The following TANC1 variants were observed in gnomAD, a reference collection of about 807,000 sequenced individuals.
TANC1 encodes protein TANC1.
In TANC1, 77 loss-of-function variants were observed where a neutral mutation model predicts 149.7. That is an observed-to-expected ratio of 0.51 (90% CI 0.43 to 0.62). TANC1 has a LOEUF of 0.62. TANC1 is among the 20% of genes least tolerant of loss of function. The pLI is 0.00. For synonymous variants in TANC1, 854 were observed against 925.0 expected, an observed-to-expected ratio of 0.92 and a Z score of 1.39; for missense variants, 1,985 against 2,321.8, an observed-to-expected ratio of 0.85 and a Z score of 2.98.
intron 17 of TANC1, among the ~76,000 whole-genome samples, chr2:159,195,974 C>T (rs982494736): frequency 1.3e-5 from 2 of 152,182 alleles, no homozygotes; most frequent in African/African-American, 4.8e-5. Context: ...TGCTTTGGGG[C>T]CTTGAGGAGT....
At chr2:159,222,738 C>A (rs1017630500) in intron 22 of TANC1, among the ~76,000 whole-genome samples, 11 of 152,130 alleles carry the variant, frequency 7.2e-5, no homozygotes, top group Non-Finnish European at 1.5e-4. Flanking sequence ...GTTTTCAGTT[C>A]TTTGGGGTAT....
At chr2:159,150,779 A>T (rs1040994627) in intron 7 of TANC1, 147 of 13,488 alleles carry the variant, frequency 0.011, no homozygotes, top group African/African-American at 0.09. Flanking sequence ...TCATTTGTTA[A>T]AAAAAAAAAA....
rs756025210 is a variant in TANC1, at chr2:159,179,177, T to G, written c.2510+14T>G. The G allele has an allele frequency of 1.0e-5, 16 of 1,596,206 alleles. No individual in the cohort carries two copies. The South Asian group carries it at 1.8e-4, about 18-fold the overall frequency. On this transcript the variant is annotated intron_variant, in intron 14 of 26. Transcript: ENST00000263635. ...GTGTGAGCCCAGGTACGGCAGGCGC[T>G]TTCTTTCAGCTCTTTGCAGGGAATC...
At chr2:159,050,958 C>G (rs1217632505) in intron 2 of TANC1, among the ~76,000 whole-genome samples, 1 of 152,126 alleles carries the variant, frequency 6.6e-6, no homozygotes, top group Non-Finnish European at 1.5e-5. Context: ...TGCATAAAAA[C>G]AAGAATCAGA....
intron 2 of TANC1, among the ~76,000 whole-genome samples, chr2:159,024,750 C>CAAAAAA (rs199510154): frequency 8.4e-6 from 1 of 118,994 alleles, no homozygotes. Flanking sequence ...GACTTCATCT[C>CAAAAAA]AAAAAAAAAA....
chr2:159,228,529 C>A lies in TANC1; in HGVS notation c.4051-267C>A, dbSNP rs180839297. The A allele has an allele frequency of 7.8e-5, 34 of 438,430 alleles. No homozygotes were observed. In the East Asian group the frequency reaches 1.4e-3, roughly 17 times the overall value. 27.2% of individuals were successfully genotyped at this position (438,430 alleles called of 1,614,324 possible). A position where few individuals can be genotyped will look rare whatever the true frequency, so the allele number is the denominator to read the frequency against. The stretch of plus-strand genomic sequence containing the variant: ...GTGTCTGCGCTCCTCTCTGAGGCTG[C>A]CCCTCCACCGGGCTGTGAGGTTCCA... On this transcript the variant is annotated intron_variant, in intron 25 of 26. Coordinates refer to ENST00000263635, the MANE Select transcript of TANC1 (RefSeq NM_033394.3).
At chr2:159,041,601 A>AT (rs2040638662) in intron 2 of TANC1, among the ~76,000 whole-genome samples, 1 of 152,196 alleles carries the variant, frequency 6.6e-6, no homozygotes, top group Non-Finnish European at 1.5e-5. Flanking sequence ...CAGGTGCAGG[A>AT]TATAATCTCC....
chr2:159,174,810 T>C (rs951215077), intron 11 of TANC1, 143 bp from the exon 12 acceptor site: 2 of 718,116 alleles, frequency 2.8e-6, no homozygotes, highest in Middle Eastern at 2.4e-4. Flanking sequence ...GGAACAATTA[T>C]GCTAACAAAT....
intron 19 of TANC1, among the ~76,000 whole-genome samples, chr2:159,211,961 G>A (rs2059012706): frequency 6.6e-6 from 1 of 152,212 alleles, no homozygotes; most frequent in South Asian, 2.1e-4. Flanking sequence ...TGGCGCACTC[G>A]CCCCTTGTCA....
rs746417913 is a variant in TANC1, at chr2:159,196,699, A to C, written c.3071A>C (p.Glu1024Ala). The change falls in exon 18 of 27, where the codon GAG (glutamate) becomes GCG (alanine). Residue 1024 changes from glutamate to alanine, a missense_variant. Glu to Ala is a moderately radical substitution (Grantham distance 107). Transcript: ENST00000263635. ...GDILQYLLTCEWSPGPPQPGT... is the reference protein window; with the variant it reads ...GDILQYLLTCAWSPGPPQPGT... Reference sequence around the variant, plus strand: ...ATTCTCCAGTACCTGCTGACTTGTGAGTGGTCGCCGGGTCCTCCCCAGCCA... The same window carrying C: ...ATTCTCCAGTACCTGCTGACTTGTGCGTGGTCGCCGGGTCCTCCCCAGCCA... 1 of 1,614,054 alleles carries C rather than the reference A, an allele frequency of 6.2e-7. No homozygotes were observed. Among genetic ancestry groups the C allele is most frequent in the Non-Finnish European group, 8.5e-7 (1 of 1,180,016 alleles).
At position 159,230,561 on chromosome 2, in the gene TANC1, G is replaced by A; in HGVS notation, c.5135G>A (p.Gly1712Asp). 6.2e-7 allele frequency: 1 copy of A among 1,614,180 alleles called. No individual in the cohort carries two copies. The highest frequency in any genetic ancestry group is 8.5e-7 in the Non-Finnish European group (1 of 1,180,034). Residue 1712 changes from glycine (G) to aspartate (D), a missense_variant, in exon 27 of 27, where the codon GGT becomes GAT. By Grantham distance (94) the Gly-to-Asp change is moderately conservative. This residue lies in a region of TANC1 where 920 missense variants were observed against 994.7 expected (regional missense o/e 0.92). Coordinates refer to ENST00000263635, the MANE Select transcript of TANC1 (RefSeq NM_033394.3). The surrounding 1 kb of genome is among the most constrained non-coding windows in gnomAD (Gnocchi z 4.4). The stretch of plus-strand genomic sequence containing the variant: ...AAGGTTGTAACCCACGTTCAGAGCG[G>A]TACAGCTGAGCACAGACCCCGCAAC... Reference protein sequence around the residue: ...KDKVVTHVQSGTAEHRPRNTP... With the variant: ...KDKVVTHVQSDTAEHRPRNTP...
intron 1 of TANC1, among the ~76,000 whole-genome samples, chr2:158,998,857 C>T (rs921616589): frequency 6.6e-6 from 1 of 152,250 alleles, no homozygotes; most frequent in East Asian, 1.9e-4. Flanking sequence ...TCCCCCCTCC[C>T]CTCTGATCTC....
At position 159,230,011 on chromosome 2, in the gene TANC1, A is replaced by G; in HGVS notation, c.4585A>G (p.Lys1529Glu). Residue 1529 changes from lysine to glutamate, a missense_variant, in exon 27 of 27, where the codon AAG becomes GAG. Transcript: ENST00000263635. The surrounding 1 kb of genome is among the most constrained non-coding windows in gnomAD (Gnocchi z 4.4). ...GCCAGGGCTGCTCCTGCAGCCCTCC[A>G]AGCAGGCCCAGATCGTGAAAACCAG... Reference protein sequence around the residue: ...AQPGLLLQPSKQAQIVKTSQH... With the variant: ...AQPGLLLQPSEQAQIVKTSQH... 1 of 1,614,042 alleles carries G rather than the reference A, an allele frequency of 6.2e-7. No homozygotes were observed.
rs1266897869 is a variant in TANC1, at chr2:159,196,714, C to T, written c.3086C>T (p.Pro1029Leu). Residue 1029 changes from proline (P) to leucine (L), a missense_variant, in exon 18 of 27, where the codon CCT becomes CTT. Pro to Leu is a moderately conservative substitution (Grantham distance 98, BLOSUM62 -3). Transcript: ENST00000263635. ...CTGACTTGTGAGTGGTCGCCGGGTC[C>T]TCCCCAGCCAGGCACCCTGAGGAAG... The part of the protein sequence containing the change: ...YLLTCEWSPG[P>L]PQPGTLRKSH... 2 of 1,614,006 alleles carry T rather than the reference C, an allele frequency of 1.2e-6. No individual in the cohort carries two copies. Among genetic ancestry groups the T allele is most frequent in the South Asian group, 2.2e-5 (2 of 91,066 alleles).
At chr2:159,145,989 C>G (rs1432342455) in intron 5 of TANC1, among the ~76,000 whole-genome samples, 1 of 152,180 alleles carries the variant, frequency 6.6e-6, no homozygotes, top group African/African-American at 2.4e-5. Context: ...TGAAAATAGA[C>G]TTGCTATTTA....
chr2:159,112,494 G>T (rs186040699), intron 4 of TANC1, among the ~76,000 whole-genome samples: 34 of 151,072 alleles, frequency 2.3e-4, no homozygotes, highest in African/African-American at 7.8e-4. Context: ...GACCTCAGGT[G>T]ATCTGCACGC....
At chr2:159,143,745 A>T (rs924149701) in intron 5 of TANC1, among the ~76,000 whole-genome samples, 2 of 151,386 alleles carry the variant, frequency 1.3e-5, no homozygotes, top group Non-Finnish European at 3.0e-5. Flanking sequence ...AATGCAGAAG[A>T]AGTTATACAA....
chr2:159,129,571 T>C (rs1559313179), intron 4 of TANC1, among the ~76,000 whole-genome samples: 1 of 149,100 alleles, frequency 6.7e-6, no homozygotes, highest in Non-Finnish European at 1.5e-5. Flanking sequence ...TGTTTTGTTG[T>C]TTTTTTTTTC....
At chr2:159,068,387 T>G (rs2042852151) in intron 3 of TANC1, among the ~76,000 whole-genome samples, 2 of 152,232 alleles carry the variant, frequency 1.3e-5, no homozygotes, top group South Asian at 4.1e-4. Context: ...ATAAGAAAAT[T>G]CATTCCCATG....
Sources: allele counts gnomAD v4.1 joint callset (sites outside exome capture counted in the v4.1 genomes callset), GRCh38; gene constraint gnomAD v4.1.1; regional missense constraint gnomAD v4.1.1; non-coding constraint Gnocchi (gnomAD v3.1); transcripts MANE v1.5; gene names NCBI Gene and HGNC (gene_info 2026-07-23, HGNC 2026-07-21).